The following TRAM2 variants were observed in gnomAD, a reference collection of about 807,000 sequenced individuals.
TRAM2 encodes translocating chain-associated membrane protein 2.
In TRAM2, 12 loss-of-function variants were observed where a neutral mutation model predicts 51.0. The ratio of observed to expected loss-of-function variants is 0.24; its 90% confidence interval spans 0.15 to 0.38. The LOEUF is 0.38. Among genes scored for constraint, TRAM2 ranks in the 10% least tolerant of loss-of-function variants. The probability of loss-of-function intolerance (pLI) is 1.00; values close to 1 mark genes in which losing one functional copy is unlikely to be tolerated. For missense variants in TRAM2, 361 were observed against 462.0 expected (o/e 0.78, Z 2.00); for synonymous variants, 175 against 179.4 (o/e 0.98, Z 0.20).
At position 52,509,565 on chromosome 6, in the gene TRAM2, T is replaced by C. The variant is rs765378412; in HGVS notation, c.433A>G (p.Arg145Gly). Residue 145 changes from arginine to glycine, a missense_variant, in exon 5 of 11, where the codon AGA becomes GGA. Coordinates refer to ENST00000182527, the MANE Select transcript of TRAM2 (RefSeq NM_012288.4). ...VVTEGYLTNPRSLWEDYPHVH... is the reference protein window; with the variant it reads ...VVTEGYLTNPGSLWEDYPHVH... ...TGCGGGTAGTCTTCCCAGAGGCTTC[T>C]TGGGTTTGTTAAGTATCCTTCCTGC... is the stretch of plus-strand genomic sequence containing the variant. 6.2e-7 allele frequency: 1 copy of C among 1,614,054 alleles called. No individual in the cohort carries two copies. The highest frequency in any genetic ancestry group is 1.7e-5 in the Admixed American group (1 of 60,000).
rs1232992172 is a variant in TRAM2 at position 52,557,315 on chromosome 6, GAATT to G, written c.120+19477_120+19480del. 5.3e-5 allele frequency among the ~76,000 whole-genome samples: 8 copies of G among 152,282 alleles called. No homozygotes were observed. The South Asian group carries it at 1.7e-3, about 32-fold the overall frequency. ...CTTAATGACAGAGACAATACTCATG[GAATT>G]AATTAATTAATATTCAGGTACTCTG... On this transcript the variant is annotated intron_variant, in intron 1 of 10. Transcript: ENST00000182527.
intron 1 of TRAM2, among the ~76,000 whole-genome samples, chr6:52,542,276 T>A (rs55806452): frequency 0.16 from 22,933 of 147,686 alleles, 2,185 homozygotes; most frequent in Non-Finnish European, 0.21. Context: ...TTTTTTTTTT[T>A]AAAAAAAATA....
intron 1 of TRAM2, among the ~76,000 whole-genome samples, chr6:52,559,502 G>A (rs1319562497): frequency 1.3e-5 from 2 of 152,198 alleles, no homozygotes; most frequent in African/African-American, 4.8e-5. Context: ...TGTAAAAAGG[G>A]AGGCACCACA....
chr6:52,551,392 A>G (rs529835860), intron 1 of TRAM2, among the ~76,000 whole-genome samples: 1 of 152,210 alleles, frequency 6.6e-6, no homozygotes, highest in African/African-American at 2.4e-5. Context: ...GGATGTAGGG[A>G]TTACGCTGCT....
intron 2 of TRAM2, among the ~76,000 whole-genome samples, chr6:52,528,728 G>A (rs951769853): frequency 6.6e-6 from 1 of 152,088 alleles, no homozygotes; most frequent in African/African-American, 2.4e-5. Flanking sequence ...GCTCTGGGAT[G>A]GATTCTTGTT....
At chr6:52,542,261 G>T (rs1313254496) in intron 1 of TRAM2, among the ~76,000 whole-genome samples, 3 of 89,572 alleles carry the variant, frequency 3.3e-5, no homozygotes, top group Non-Finnish European at 5.8e-5. Flanking sequence ...GAGATTTTTG[G>T]GTTTTTTTTT....
chr6:52,507,760 T>C, intron 6 of TRAM2, 137 bp from the exon 7 acceptor site: 1 of 714,366 alleles, frequency 1.4e-6, no homozygotes, highest in Non-Finnish European at 2.3e-6. Flanking sequence ...GTCCCACGAG[T>C]CCCACAGTCC....
chr6:52,565,138 G>A (rs1025693344), intron 1 of TRAM2, among the ~76,000 whole-genome samples: 9 of 152,116 alleles, frequency 5.9e-5, no homozygotes, highest in African/African-American at 1.9e-4. Flanking sequence ...GCCTTTAGGC[G>A]GGCATCTTGG....
chr6:52,574,675 G>C (rs1434914442), intron 1 of TRAM2, among the ~76,000 whole-genome samples: 1 of 152,182 alleles, frequency 6.6e-6, no homozygotes, highest in Non-Finnish European at 1.5e-5. Context: ...GAGTAGTTTT[G>C]TTTGTTGTTT....
At chr6:52,575,918 A>T (rs992615766) in intron 1 of TRAM2, among the ~76,000 whole-genome samples, 1 of 152,224 alleles carries the variant, frequency 6.6e-6, no homozygotes, top group Non-Finnish European at 1.5e-5. Context: ...GCTCTGCAAG[A>T]GTAGGGAATC....
rs888238120 is a variant in TRAM2 at position 52,499,048 on chromosome 6, G to GA, written c.*4148dup. On this transcript the variant is annotated 3_prime_UTR_variant, in exon 11 of 11. Transcript: ENST00000182527. ...AGAATGAGGCAGCTTTCACTGGGGA[G>GA]AACTGGTCTTCAGCCTTTGCAAGGT... 2 of 152,252 alleles carry GA rather than the reference G, an allele frequency of 1.3e-5. No homozygotes were observed. The highest frequency in any genetic ancestry group is 2.9e-5 in the Non-Finnish European group (2 of 68,054). The allele number at this position is 152,252 out of a possible 1,614,324, so 9.4% of individuals were successfully genotyped here.
At chr6:52,559,949 G>C (rs1314585019) in intron 1 of TRAM2, among the ~76,000 whole-genome samples, 2 of 152,008 alleles carry the variant, frequency 1.3e-5, no homozygotes, top group Admixed American at 1.3e-4. Context: ...TTTTAACAAA[G>C]AAACATATAG....
At chr6:52,565,702 T>G (rs1291388089) in intron 1 of TRAM2, among the ~76,000 whole-genome samples, 1 of 152,238 alleles carries the variant, frequency 6.6e-6, no homozygotes, top group Non-Finnish European at 1.5e-5. Context: ...AAAAAATTAC[T>G]TACTGACACC....
intron 2 of TRAM2, chr6:52,529,690 CAGGTGTTA>C (rs1013441906): frequency 1.2e-4 from 19 of 152,168 alleles, no homozygotes; most frequent in African/African-American, 4.3e-4. Flanking sequence ...GATGGAGATC[CAGGTGTTA>C]AGTGTTTCAC....
intron 2 of TRAM2, among the ~76,000 whole-genome samples, chr6:52,519,677 A>G (rs1289721296): frequency 6.6e-6 from 1 of 152,222 alleles, no homozygotes; most frequent in Non-Finnish European, 1.5e-5. Context: ...TTTCAATAAA[A>G]TATTTGTACA....
chr6:52,508,439 G>A lies in TRAM2; in HGVS notation c.471-121C>T, dbSNP rs1766389893. ...CTGCCTGTGAGGAGCTGGTCCAGGA[G>A]CAAGGGAGTTAGGCCAGTGACCGCC... is the stretch of plus-strand genomic sequence containing the variant. On this transcript the variant is annotated intron_variant, in intron 5 of 10. Transcript: ENST00000182527. 3.1e-6 allele frequency: 3 copies of A among 952,424 alleles called. No homozygotes were observed. The African/African-American group carries it at 4.9e-5, about 15-fold the overall frequency. The allele number at this position is 952,424 out of a possible 1,614,324, so 59.0% of individuals were successfully genotyped here. A position where few individuals can be genotyped will look rare whatever the true frequency, so the allele number is the denominator to read the frequency against.
intron 1 of TRAM2, among the ~76,000 whole-genome samples, chr6:52,549,169 A>C (rs1475350954): frequency 6.6e-6 from 1 of 152,142 alleles, no homozygotes; most frequent in Non-Finnish European, 1.5e-5. Context: ...CATTTGTTTC[A>C]AATGAACTAG....
chr6:52,556,008 A>T (rs193259447), intron 1 of TRAM2, among the ~76,000 whole-genome samples: 177 of 152,252 alleles, frequency 1.2e-3, no homozygotes, highest in African/African-American at 4.1e-3. Context: ...GTCACGCCTC[A>T]GTATAAAATA....
chr6:52,514,474 C>T (rs147827178), intron 4 of TRAM2, among the ~76,000 whole-genome samples: 11 of 152,150 alleles, frequency 7.2e-5, no homozygotes, highest in African/African-American at 1.7e-4. Flanking sequence ...TGGCTCTTCC[C>T]AGAATAAAAA....
Sources: gnomAD v4.1 joint callset for allele counts (sites outside exome capture counted in the v4.1 genomes callset) on GRCh38, gnomAD v4.1.1 for gene constraint, MANE v1.5 for transcripts, NCBI Gene and HGNC (gene_info 2026-07-23, HGNC 2026-07-21) for gene names.